Variants in IARS2 observed in about 807,000 individuals in gnomAD.
IARS2 encodes the protein isoleucyl-tRNA synthetase 2, mitochondrial.
In IARS2, 56 loss-of-function variants were observed where a neutral mutation model predicts 126.3. The observed-to-expected ratio is 0.44, with a 90% CI of 0.36 to 0.55. IARS2 has a LOEUF of 0.55. Ranked by LOEUF, IARS2 falls within the 20% of genes least tolerant of loss-of-function variation. IARS2 has a pLI of 0.00. For synonymous variants in IARS2, 407 were observed against 441.1 expected, an observed-to-expected ratio of 0.92 and a Z score of 0.97; for missense variants, 1,127 against 1,245.9, an observed-to-expected ratio of 0.90 and a Z score of 1.44.
chr1:220,139,424 A>G (rs1330036839), intron 18 of IARS2, among the ~76,000 whole-genome samples: 1 of 152,178 alleles, frequency 6.6e-6, no homozygotes, highest in Non-Finnish European at 1.5e-5. Flanking sequence ...GTCTCATAAG[A>G]TACTTACTCA....
intron 14 of IARS2, among the ~76,000 whole-genome samples, chr1:220,133,252 A>C (rs1381294161): frequency 6.6e-6 from 1 of 152,042 alleles, no homozygotes; most frequent in Non-Finnish European, 1.5e-5. Context: ...AGGATTTGCC[A>C]GCCTCCACCT....
intron 12 of IARS2, among the ~76,000 whole-genome samples, chr1:220,117,396 C>T (rs974195038): frequency 6.6e-6 from 1 of 151,564 alleles, no homozygotes; most frequent in Non-Finnish European, 1.5e-5. Context: ...GACGGGGTTT[C>T]TCCATGTTGG....
intron 18 of IARS2, 106 bp downstream of exon 18, chr1:220,139,245 T>A: frequency 1.3e-6 from 1 of 748,268 alleles, no homozygotes; most frequent in Non-Finnish European, 2.1e-6. Flanking sequence ...AAATAGTAAC[T>A]ATAGCACTCT....
At chr1:220,094,772 G>A (rs1656402095) in intron 1 of IARS2, among the ~76,000 whole-genome samples, 1 of 152,186 alleles carries the variant, frequency 6.6e-6, no homozygotes, top group Non-Finnish European at 1.5e-5. Flanking sequence ...CATGTCTACC[G>A]TAGGCAAAAC....
At chr1:220,134,169 T>A (rs1040896466) in intron 14 of IARS2, among the ~76,000 whole-genome samples, 4 of 152,202 alleles carry the variant, frequency 2.6e-5, no homozygotes, top group Admixed American at 2.0e-4. Flanking sequence ...GAAAGGATAC[T>A]GTGTTTATTT....
In IARS2 at chr1:220,114,441, A is replaced by G. The variant is rs1656873967; in HGVS notation, c.1607A>G (p.His536Arg). 1.2e-6 allele frequency: 2 copies of G among 1,613,938 alleles called. No individual in the cohort carries two copies. Among genetic ancestry groups the G allele is most frequent in the African/African-American group, 2.7e-5 (2 of 74,940 alleles). Residue 536 changes from histidine (H) to arginine (R), a missense_variant, in exon 12 of 23, where the codon CAT (histidine) becomes CGT (arginine). By Grantham distance (29) the His-to-Arg change is conservative. Coordinates refer to ENST00000366922, the MANE Select transcript of IARS2 (RefSeq NM_018060.4). ...RVWGVPIPVFHHKTKDEYLIN... is the reference protein window; with the variant it reads ...RVWGVPIPVFRHKTKDEYLIN... ...TGGGGTGTTCCAATTCCTGTGTTTC[A>G]TCATAAGACCAAGGATGAATACTTG...
rs1252498442 is a variant in IARS2, at chr1:220,094,221, G to A, written c.5G>A (p.Arg2His). 1.9e-6 allele frequency: 3 copies of A among 1,579,448 alleles called. No homozygotes were observed. The highest frequency in any genetic ancestry group is 1.7e-6 in the Non-Finnish European group (2 of 1,164,050). The stretch of plus-strand genomic sequence containing the variant: ...GCTCTCAGGGGTTGCCGGACCATGC[G>A]TTGGGGGCTGCGCCCTCGCGGGCCG... Reference protein sequence around the residue: MRWGLRPRGPGA... With the variant: MHWGLRPRGPGA... Residue 2 changes from arginine (R) to histidine (H), a missense_variant, in exon 1 of 23, where the codon CGT becomes CAT. By Grantham distance (29) the Arg-to-His change is conservative. Transcript: ENST00000366922.
chr1:220,134,553 T>C lies in IARS2; in HGVS notation c.1946+43T>C, dbSNP rs187701123. The C allele has an allele frequency of 2.1e-3, 2,670 of 1,242,508 alleles. 14 individuals are homozygous for C. The highest frequency in any genetic ancestry group is 0.018 in the Admixed American group (955 of 54,492). The allele number at this position is 1,242,508 out of a possible 1,614,324, so 77.0% of individuals were successfully genotyped here. On this transcript the variant is annotated intron_variant, in intron 15 of 22. Coordinates refer to ENST00000366922, the MANE Select transcript of IARS2 (RefSeq NM_018060.4). Reference sequence around the variant, plus strand: ...AACCAACCTGCTGAGTACCTGCCAGTGTGTGAAGCACTATGCTGAGTACTA... The same window carrying C: ...AACCAACCTGCTGAGTACCTGCCAGCGTGTGAAGCACTATGCTGAGTACTA...
intron 14 of IARS2, among the ~76,000 whole-genome samples, chr1:220,130,644 G>A (rs1011327110): frequency 6.6e-6 from 1 of 152,030 alleles, no homozygotes; most frequent in African/African-American, 2.4e-5. Flanking sequence ...TGCAAGCTCC[G>A]CCTCCTGGGT....
chr1:220,125,578 C>G (rs1223399007), intron 13 of IARS2, among the ~76,000 whole-genome samples: 1 of 152,122 alleles, frequency 6.6e-6, no homozygotes, highest in African/African-American at 2.4e-5. Context: ...CTGAGGCAGA[C>G]AGATAGCTTG....
At chr1:220,097,096 A>G (rs1219502415) in intron 2 of IARS2, among the ~76,000 whole-genome samples, 5 of 152,058 alleles carry the variant, frequency 3.3e-5, no homozygotes, top group African/African-American at 9.7e-5. Flanking sequence ...ATAAAACTCT[A>G]TTATTTCAAA....
chr1:220,113,590 T>C (rs1190869007), intron 11 of IARS2, among the ~76,000 whole-genome samples: 4 of 151,570 alleles, frequency 2.6e-5, no homozygotes, highest in African/African-American at 4.9e-5. Flanking sequence ...AAGGGAGCTT[T>C]CTTGAGAGGA....
chr1:220,108,598 G>A (rs1656730110), intron 10 of IARS2, among the ~76,000 whole-genome samples: 1 of 152,004 alleles, frequency 6.6e-6, no homozygotes, highest in East Asian at 1.9e-4. Context: ...TATTAGCCAG[G>A]ACGGTCTCGA....
At position 220,147,715 on chromosome 1, in the gene IARS2, G is replaced by C; in HGVS notation, c.*80G>C. ...GATGGATTATTTACAATATAGGAAA[G>C]AAAGCCAAGATTTAGGTAATGAGTG... On this transcript the variant is annotated 3_prime_UTR_variant, in exon 23 of 23. Coordinates refer to ENST00000366922, the MANE Select transcript of IARS2 (RefSeq NM_018060.4). 1.4e-6 allele frequency: 2 copies of C among 1,464,380 alleles called. No individual in the cohort carries two copies. Among genetic ancestry groups the C allele is most frequent in the Non-Finnish European group, 1.9e-6 (2 of 1,070,690 alleles). The allele number at this position is 1,464,380 out of a possible 1,614,324, so 90.7% of individuals were successfully genotyped here.
At chr1:220,105,555 C>T (rs193288979) in intron 8 of IARS2, among the ~76,000 whole-genome samples, 80 of 151,918 alleles carry the variant, frequency 5.3e-4, no homozygotes, top group Middle Eastern at 3.4e-3. Context: ...GTTTTCTTTC[C>T]GGAAAAAAAT....
intron 12 of IARS2, among the ~76,000 whole-genome samples, chr1:220,115,129 A>G (rs1170109786): frequency 6.6e-6 from 1 of 152,146 alleles, no homozygotes; most frequent in Non-Finnish European, 1.5e-5. Flanking sequence ...CAGCACATAC[A>G]TATGTTTATA....
rs1657310680 is a variant in IARS2 at position 220,133,516 on chromosome 1, A to T, written c.1838-886A>T. On this transcript the variant is annotated intron_variant, in intron 14 of 22. Transcript: ENST00000366922. Reference sequence around the variant, plus strand: ...TTAATCTTTCTTACATGAAGATTACAACACTAAATTTTCAGTCTTAGGACA... The same window carrying T: ...TTAATCTTTCTTACATGAAGATTACTACACTAAATTTTCAGTCTTAGGACA... 2.0e-5 allele frequency among the ~76,000 whole-genome samples: 3 copies of T among 152,220 alleles called. No homozygotes were observed. The South Asian group carries it at 6.2e-4, about 31-fold the overall frequency.
intron 12 of IARS2, among the ~76,000 whole-genome samples, chr1:220,119,131 A>G (rs1451442011): frequency 1.3e-5 from 2 of 152,182 alleles, no homozygotes; most frequent in African/African-American, 2.4e-5. Context: ...CTTAATGTCC[A>G]TAACACGCTA....
chr1:220,122,087 T>TAA (rs1657062370), intron 12 of IARS2, among the ~76,000 whole-genome samples: 1 of 152,138 alleles, frequency 6.6e-6, no homozygotes, highest in Admixed American at 6.6e-5. Context: ...TAACACCTTG[T>TAA]CTCAAAAAAA....
Sources: gnomAD v4.1 joint callset for allele counts (sites outside exome capture counted in the v4.1 genomes callset) on GRCh38, gnomAD v4.1.1 for gene constraint, MANE v1.5 for transcripts, NCBI Gene and HGNC (gene_info 2026-07-23, HGNC 2026-07-21) for gene names.